TRRAP: variants seen among roughly 807,000 people sequenced by gnomAD.
TRRAP encodes the protein transformation/transcription domain-associated protein.
TRRAP carries 41 observed loss-of-function variants against 438.8 expected under a neutral mutation model. The ratio of observed to expected loss-of-function variants is 0.09; its 90% CI spans 0.07 to 0.12. TRRAP has a LOEUF of 0.12. Among genes scored for constraint, TRRAP ranks in the 10% least tolerant of loss-of-function variants. TRRAP has a pLI of 1.00. For synonymous variants in TRRAP, 1,994 were observed against 1,962.9 expected (o/e 1.02, Z -0.42); for missense variants, 3,122 against 5,055.1 (o/e 0.62, Z 11.60).
At chr7:98,954,831 C>T (rs1284216713) in intron 40 of TRRAP, among the ~76,000 whole-genome samples, 1 of 152,214 alleles carries the variant, frequency 6.6e-6, no homozygotes, top group Non-Finnish European at 1.5e-5. Context: ...ACATGGGATC[C>T]CTGCAGGGAG....
At chr7:98,933,536 C>T (rs2116526368) in intron 27 of TRRAP, 134 bp downstream of exon 27, 2 of 1,249,530 alleles carry the variant, frequency 1.6e-6, no homozygotes, top group Non-Finnish European at 2.1e-6. Context: ...CCACTGACAC[C>T]TGGCACAGCA....
Position 98,976,587 on chromosome 7 carries a change from G to A in TRRAP, c.8064G>A (p.Gln2688=). ...ACTGCTTTGTGGAAGCCATGTCCCA[G>A]TGCGTGCCGCCAATCCCCATCCGAC... The part of the protein sequence containing the change: ...ALNCFVEAMS[Q]CVPPIPIRPC... The change falls in exon 55 of 73, where the codon CAG becomes CAA. Residue 2688 remains glutamine (Q), a synonymous_variant. Transcript: ENST00000456197. The surrounding 1 kb of genome is among the most constrained non-coding windows in gnomAD (Gnocchi z 4.6). 6.2e-7 allele frequency: 1 copy of A among 1,614,198 alleles called. No homozygotes were observed. The highest frequency in any genetic ancestry group is 8.5e-7 in the Non-Finnish European group (1 of 1,180,044).
chr7:98,887,357 C>T (rs1554404115), intron 3 of TRRAP, among the ~76,000 whole-genome samples: 1 of 152,204 alleles, frequency 6.6e-6, no homozygotes, highest in Admixed American at 6.5e-5. Context: ...TCTTCTCCCT[C>T]TTTTCCTTGA....
At chr7:98,915,307 C>T (rs1256486696) in intron 18 of TRRAP, among the ~76,000 whole-genome samples, 1 of 152,132 alleles carries the variant, frequency 6.6e-6, no homozygotes, top group African/African-American at 2.4e-5. Context: ...ATTCTCTTGC[C>T]TCAGCCTCCC....
chr7:98,951,920 C>T (rs1369217882), intron 39 of TRRAP, among the ~76,000 whole-genome samples: 1 of 152,130 alleles, frequency 6.6e-6, no homozygotes, highest in Non-Finnish European at 1.5e-5. Context: ...GTTACCTTCT[C>T]CAGGCTGTGT....
intron 67 of TRRAP, among the ~76,000 whole-genome samples, chr7:98,997,183 G>A (rs927244467): frequency 1.3e-5 from 2 of 151,976 alleles, no homozygotes; most frequent in African/African-American, 4.8e-5. Context: ...GCGTGCGCCT[G>A]TAATCCCAGC....
intron 40 of TRRAP, among the ~76,000 whole-genome samples, chr7:98,954,731 C>T (rs1354380189): frequency 2.0e-5 from 3 of 152,240 alleles, no homozygotes; most frequent in African/African-American, 7.2e-5. Flanking sequence ...CTCAGCGCCT[C>T]TCTTGTTGGC....
chr7:98,995,121 G>A (rs1482636626), intron 67 of TRRAP, among the ~76,000 whole-genome samples: 1 of 152,172 alleles, frequency 6.6e-6, no homozygotes, highest in Non-Finnish European at 1.5e-5. Flanking sequence ...CTGCCCTCCT[G>A]CCTTCCTGAG....
intron 53 of TRRAP, among the ~76,000 whole-genome samples, chr7:98,974,917 C>T (rs764230084): frequency 4.6e-5 from 7 of 152,070 alleles, no homozygotes; most frequent in South Asian, 2.1e-4. Context: ...TTGAGGATTT[C>T]GACACTTGGG....
chr7:98,925,074 T>G lies in TRRAP; in HGVS notation c.2824-38T>G, dbSNP rs782126452. On this transcript the variant is annotated intron_variant, in intron 21 of 72. Transcript: ENST00000456197. ...GAAAGCTTTTCACAATCATGTAATT[T>G]CAGCACAAACTGTAGTTTCTTTGTG... 6.3e-6 allele frequency: 10 copies of G among 1,577,296 alleles called. No individual in the cohort carries two copies. In the East Asian group the frequency reaches 6.8e-5, roughly 11 times the overall value.
intron 4 of TRRAP, among the ~76,000 whole-genome samples, chr7:98,891,207 T>A (rs5017012): frequency 0.58 from 44,736 of 77,588 alleles, 13,306 homozygotes; most frequent in South Asian, 0.8. Context: ...ATATATATTT[T>A]TTTTTTTTTT....
intron 29 of TRRAP, 53 bp downstream of exon 29, chr7:98,937,330 G>A (rs2116545139): frequency 6.3e-7 from 1 of 1,575,268 alleles, no homozygotes; most frequent in South Asian, 1.2e-5. Flanking sequence ...ACACATGTGT[G>A]TGTACTCTGC....
At chr7:98,997,103 C>T (rs779634885) in intron 67 of TRRAP, among the ~76,000 whole-genome samples, 6 of 151,748 alleles carry the variant, frequency 4.0e-5, no homozygotes, top group African/African-American at 1.5e-4. Flanking sequence ...GTCAGGAGTT[C>T]GAGACCAGCC....
intron 63 of TRRAP, among the ~76,000 whole-genome samples, chr7:98,989,835 C>T (rs1258227073): frequency 1.3e-5 from 2 of 152,268 alleles, no homozygotes; most frequent in South Asian, 4.1e-4. Flanking sequence ...TGTAGGTTAA[C>T]GGGTGGGCAG....
rs114653241 is a variant in TRRAP at position 98,999,829 on chromosome 7, C to T, written c.10310-4361C>T. ...CAAATCCCGATCGATGCTGATTTCTCCACCTCAGACAGGCTTTGCTTTTCC... is the reference window on the plus strand; with the variant it reads ...CAAATCCCGATCGATGCTGATTTCTTCACCTCAGACAGGCTTTGCTTTTCC... On this transcript the variant is annotated intron_variant, in intron 67 of 72. Coordinates refer to ENST00000456197, the MANE Select transcript of TRRAP (RefSeq NM_001375524.1). The T allele has an allele frequency of 2.9e-3, 1,387 of 476,970 alleles. 10 individuals are homozygous for T. Among genetic ancestry groups the T allele is most frequent in the African/African-American group, 0.027 (1,310 of 49,056 alleles). 29.5% of individuals were successfully genotyped at this position (476,970 alleles called of 1,614,324 possible). A position where few individuals can be genotyped will look rare whatever the true frequency, so the allele number is the denominator to read the frequency against.
chr7:98,988,888 G>C lies in TRRAP; in HGVS notation c.9513G>C (p.Leu3171=). The C allele has an allele frequency of 1.2e-6, 2 of 1,614,160 alleles. No homozygotes were observed. The highest frequency in any genetic ancestry group is 1.7e-6 in the Non-Finnish European group (2 of 1,180,030). Residue 3171 remains leucine (L), a synonymous_variant, in exon 63 of 73, where the codon CTG becomes CTC. Transcript: ENST00000456197. ...TTGTGAAGGAGCGGCAGCTGCACCT[G>C]GGCGTGTCTGCCATCACCTGCTACC... is the stretch of plus-strand genomic sequence containing the variant. ...NIFVKERQLH[L]GVSAITCYLH...
At chr7:99,002,819 C>T (rs1180263979) in intron 67 of TRRAP, among the ~76,000 whole-genome samples, 3 of 152,194 alleles carry the variant, frequency 2.0e-5, no homozygotes, top group Non-Finnish European at 2.9e-5. Context: ...ATAGGCCACT[C>T]GTATAGCTGG....
chr7:98,948,167 C>T lies in TRRAP; in HGVS notation c.4549-54C>T. ...GTAGGGTCTGTAGTGACGTTGACCT[C>T]TGTCACTTGCAAAATTAATCGACCT... is the stretch of plus-strand genomic sequence containing the variant. On this transcript the variant is annotated intron_variant, in intron 33 of 72. Transcript: ENST00000456197. The surrounding 1 kb of genome is among the most constrained non-coding windows in gnomAD (Gnocchi z 4.9). 2 of 1,609,054 alleles carry T rather than the reference C, an allele frequency of 1.2e-6. No individual in the cohort carries two copies. The highest frequency in any genetic ancestry group is 1.7e-6 in the Non-Finnish European group (2 of 1,179,536).
At chr7:98,891,612 T>C (rs1429515348) in intron 4 of TRRAP, among the ~76,000 whole-genome samples, 4 of 149,792 alleles carry the variant, frequency 2.7e-5, no homozygotes, top group African/African-American at 9.9e-5. Flanking sequence ...CTCGGCTCAC[T>C]GCGAGCTCCG....
Sources: gnomAD v4.1 joint callset for allele counts (sites outside exome capture counted in the v4.1 genomes callset) on GRCh38, gnomAD v4.1.1 for gene constraint, Gnocchi (gnomAD v3.1) non-coding constraint, MANE v1.5 for transcripts, NCBI Gene and HGNC (gene_info 2026-07-23, HGNC 2026-07-21) for gene names.